Variants in KATNA1 observed in about 807,000 individuals in gnomAD.
KATNA1 encodes katanin p60 ATPase-containing subunit A1.
A neutral mutation model predicts 62.6 loss-of-function variants in KATNA1; 42 were observed. That is an observed-to-expected ratio of 0.67 (90% CI 0.52 to 0.87). The LOEUF is 0.87. Ranked by LOEUF, KATNA1 falls within the 40% of genes least tolerant of loss-of-function variation. The probability of loss-of-function intolerance (pLI) is 0.00; values close to 1 mark genes in which losing one functional copy is unlikely to be tolerated. For synonymous variants in KATNA1, 186 were observed against 201.9 expected, an observed-to-expected ratio of 0.92 and a Z score of 0.67; for missense variants, 498 against 612.5, an observed-to-expected ratio of 0.81 and a Z score of 1.97.
chr6:149,597,977 T>C (rs1322053319), intron 8 of KATNA1: 4 of 491,328 alleles, frequency 8.1e-6, no homozygotes, highest in East Asian at 6.5e-5. Context: ...TAAAGTAAGA[T>C]AGTTGTATAT....
chr6:149,642,827 G>A (rs1051460308), intron 1 of KATNA1, among the ~76,000 whole-genome samples: 1 of 152,200 alleles, frequency 6.6e-6, no homozygotes, highest in African/African-American at 2.4e-5. Context: ...ATATGTGAGT[G>A]GAGAAATTGC....
chr6:149,597,000 C>T, intron 10 of KATNA1, 63 bp downstream of exon 10: 1 of 1,573,246 alleles, frequency 6.4e-7, no homozygotes, highest in Non-Finnish European at 8.7e-7. Context: ...AAAAACAAAA[C>T]CAAAAAACTT....
chr6:149,636,614 C>G (rs1001146740), intron 2 of KATNA1, among the ~76,000 whole-genome samples: 2 of 151,208 alleles, frequency 1.3e-5, no homozygotes, highest in East Asian at 3.9e-4. Context: ...AATATTCTAT[C>G]TAGAAGACCA....
At chr6:149,635,709 AAAAC>A (rs903906617) in intron 2 of KATNA1, among the ~76,000 whole-genome samples, 10 of 149,768 alleles carry the variant, frequency 6.7e-5, no homozygotes, top group South Asian at 2.1e-4. Flanking sequence ...ACTCCGTCTC[AAAAC>A]AAACAAACAA....
chr6:149,640,618 G>A (rs1055510114), intron 1 of KATNA1, among the ~76,000 whole-genome samples: 1 of 151,998 alleles, frequency 6.6e-6, no homozygotes, highest in Non-Finnish European at 1.5e-5. Context: ...CGCAATCTCG[G>A]CTCACTGCAA....
chr6:149,615,132 C>CA (rs893824279), intron 4 of KATNA1, among the ~76,000 whole-genome samples: 6,740 of 45,212 alleles, frequency 0.15, 840 homozygotes, highest in Non-Finnish European at 0.2. Context: ...GACTCTGTCT[C>CA]AAAAAAAAAA....
chr6:149,619,972 C>T (rs1779330203), intron 4 of KATNA1, among the ~76,000 whole-genome samples: 1 of 152,094 alleles, frequency 6.6e-6, no homozygotes, highest in African/African-American at 2.4e-5. Context: ...TACATACATA[C>T]ATACATACAT....
At chr6:149,624,448 G>A (rs1779526880) in intron 3 of KATNA1, among the ~76,000 whole-genome samples, 1 of 151,698 alleles carries the variant, frequency 6.6e-6, no homozygotes, top group Admixed American at 6.6e-5. Flanking sequence ...ACAAGGTCTT[G>A]CTCTGTCACT....
At chr6:149,633,107 T>TTC (rs2114609501) in intron 2 of KATNA1, among the ~76,000 whole-genome samples, 191 bp from the exon 3 acceptor site, 1 of 148,696 alleles carries the variant, frequency 6.7e-6, no homozygotes, top group East Asian at 2.0e-4. Context: ...GCAATTTTTT[T>TTC]TTTTTTTTTT....
chr6:149,609,124 A>G (rs1156237416), intron 4 of KATNA1, among the ~76,000 whole-genome samples: 1 of 152,216 alleles, frequency 6.6e-6, no homozygotes, highest in African/African-American at 2.4e-5. Context: ...AGCCTTTTAC[A>G]TGCTTCAATA....
chr6:149,601,730 G>C lies in KATNA1; in HGVS notation c.752C>G (p.Pro251Arg). 1.2e-6 allele frequency: 2 copies of C among 1,606,006 alleles called. No individual in the cohort carries two copies. The highest frequency in any genetic ancestry group is 1.7e-6 in the Non-Finnish European group (2 of 1,177,140). Reference protein sequence around the residue: ...PWKGVLMVGPPGTGKTLLAKA... With the variant: ...PWKGVLMVGPRGTGKTLLAKA... The stretch of plus-strand genomic sequence containing the variant: ...AGCAAGGAGCGTCTTCCCCGTGCCA[G>C]GTGGGCCGACCATCAGTACTCCCTG... Residue 251 changes from proline to arginine, a missense_variant, in exon 7 of 11, where the codon CCT (proline) becomes CGT (arginine). Pro to Arg is a moderately radical substitution (Grantham distance 103). Coordinates refer to ENST00000367411, the MANE Select transcript of KATNA1 (RefSeq NM_007044.4).
intron 3 of KATNA1, among the ~76,000 whole-genome samples, chr6:149,625,631 A>G (rs73006871): frequency 0.014 from 2,078 of 151,172 alleles, 17 homozygotes; most frequent in Non-Finnish European, 0.021. Flanking sequence ...CTGTCTCAAA[A>G]AGAAAGAAAA....
At chr6:149,607,161 C>T (rs937926509) in intron 4 of KATNA1, among the ~76,000 whole-genome samples, 3 of 152,062 alleles carry the variant, frequency 2.0e-5, no homozygotes, top group Admixed American at 6.6e-5. Flanking sequence ...AGGGAATGTT[C>T]GCAGACAAAG....
At chr6:149,634,237 C>T (rs1582803125) in intron 2 of KATNA1, among the ~76,000 whole-genome samples, 1 of 145,638 alleles carries the variant, frequency 6.9e-6, no homozygotes, top group East Asian at 2.0e-4. Context: ...CGCACCATTG[C>T]ACTCCTGCCT....
intron 5 of KATNA1, among the ~76,000 whole-genome samples, chr6:149,604,380 C>T (rs1247597503): frequency 6.6e-6 from 1 of 152,162 alleles, no homozygotes. Flanking sequence ...GCAGGAGGAT[C>T]ACTTGAGTCT....
chr6:149,631,564 C>CAAAAAAAAAA (rs11436870), intron 3 of KATNA1: 77 of 140,252 alleles, frequency 5.5e-4, no homozygotes, highest in East Asian at 2.7e-3. Flanking sequence ...ACAAAAAAAA[C>CAAAAAAAAAA]AAAAAAAAAA....
intron 2 of KATNA1, among the ~76,000 whole-genome samples, chr6:149,637,885 G>A (rs1199058478): frequency 6.6e-6 from 1 of 152,170 alleles, no homozygotes; most frequent in Non-Finnish European, 1.5e-5. Context: ...TCATAATACT[G>A]CTGATGGTGA....
At chr6:149,626,721 C>A (rs565077068) in intron 3 of KATNA1, among the ~76,000 whole-genome samples, 11 of 151,552 alleles carry the variant, frequency 7.3e-5, no homozygotes, top group African/African-American at 2.7e-4. Flanking sequence ...CAGTGGCTCA[C>A]GCCTGTAATC....
chr6:149,612,500 C>A (rs1463420988), intron 4 of KATNA1, among the ~76,000 whole-genome samples: 2 of 152,056 alleles, frequency 1.3e-5, no homozygotes, highest in Non-Finnish European at 2.9e-5. Context: ...CAGAGTGAGA[C>A]CCTGTCTCAA....
Sources: allele counts gnomAD v4.1 joint callset (sites outside exome capture counted in the v4.1 genomes callset), GRCh38; gene constraint gnomAD v4.1.1; transcripts MANE v1.5; gene names NCBI Gene and HGNC (gene_info 2026-07-23, HGNC 2026-07-21).